TOGARAM1: variants seen among roughly 807,000 people sequenced by gnomAD.
The protein encoded by TOGARAM1 is TOG array regulator of axonemal microtubules 1, also known as TOG array regulator of axonemal microtubules protein 1.
TOGARAM1 carries 100 observed loss-of-function variants against 166.6 expected under a neutral mutation model. That is an observed-to-expected ratio of 0.60 (90% CI 0.51 to 0.71). The LOEUF (loss-of-function observed/expected upper bound fraction) is 0.71. Among genes scored for constraint, TOGARAM1 ranks in the 30% least tolerant of loss-of-function variants. The pLI, the probability that TOGARAM1 is intolerant of heterozygous loss-of-function variation, is 0.00. For synonymous variants in TOGARAM1, 758 were observed against 763.8 expected (o/e 0.99, Z 0.13); for missense variants, 2,029 against 2,102.7 (o/e 0.96, Z 0.69).
chr14:45,044,485 G>A (rs1881881729), intron 12 of TOGARAM1, 150 bp from the exon 13 acceptor site: 1 of 604,898 alleles, frequency 1.7e-6, no homozygotes, highest in Non-Finnish European at 2.8e-6. Flanking sequence ...AGGTTACAGT[G>A]AGCCGAAATC....
chr14:44,988,312 G>A (rs978690605), intron 1 of TOGARAM1, among the ~76,000 whole-genome samples: 6 of 152,052 alleles, frequency 3.9e-5, no homozygotes, highest in South Asian at 4.1e-4. Flanking sequence ...AGCACTTAAC[G>A]TATTAATATG....
chr14:45,034,266 C>CAATT (rs1881318186), intron 11 of TOGARAM1, among the ~76,000 whole-genome samples: 1 of 152,142 alleles, frequency 6.6e-6, no homozygotes, highest in Non-Finnish European at 1.5e-5. Flanking sequence ...GTGAGCCCTA[C>CAATT]AATTACCCAG....
chr14:45,070,378 G>A (rs913035616), intron 18 of TOGARAM1, among the ~76,000 whole-genome samples: 13 of 152,146 alleles, frequency 8.5e-5, no homozygotes, highest in Non-Finnish European at 1.9e-4. Flanking sequence ...CCAATAAGCA[G>A]GGGAAAGTCA....
At chr14:45,031,772 C>G (rs1379992825) in intron 10 of TOGARAM1, among the ~76,000 whole-genome samples, 1 of 152,158 alleles carries the variant, frequency 6.6e-6, no homozygotes, top group Admixed American at 6.5e-5. Context: ...TTTCTGGGTA[C>G]TGTAATTTTC....
intron 17 of TOGARAM1, among the ~76,000 whole-genome samples, chr14:45,067,660 A>G (rs1456027354): frequency 6.6e-6 from 1 of 152,144 alleles, no homozygotes; most frequent in Non-Finnish European, 1.5e-5. Flanking sequence ...TGAAGAAAAG[A>G]ACCATATTAC....
At chr14:44,969,012 A>G (rs193080757) in intron 1 of TOGARAM1, among the ~76,000 whole-genome samples, 59 of 152,220 alleles carry the variant, frequency 3.9e-4, no homozygotes, top group Admixed American at 3.1e-3. Context: ...GGAGTTATAC[A>G]GTAGCTTGCA....
At chr14:45,009,518 C>T (rs551543979) in intron 6 of TOGARAM1, among the ~76,000 whole-genome samples, 2 of 152,166 alleles carry the variant, frequency 1.3e-5, no homozygotes, top group Non-Finnish European at 2.9e-5. Context: ...ATTTTAAGCT[C>T]AGCACCAGTT....
intron 16 of TOGARAM1, among the ~76,000 whole-genome samples, chr14:45,062,678 T>C (rs1031717094): frequency 6.6e-6 from 1 of 152,206 alleles, no homozygotes; most frequent in African/African-American, 2.4e-5. Context: ...TCACTTTCAG[T>C]ATAATATTCA....
chr14:44,970,822 A>G (rs1196434747), intron 1 of TOGARAM1, among the ~76,000 whole-genome samples: 1 of 152,072 alleles, frequency 6.6e-6, no homozygotes, highest in Non-Finnish European at 1.5e-5. Flanking sequence ...AAACCTGATG[A>G]TGTGATGGGT....
chr14:44,990,990 C>T (rs1354668657), intron 1 of TOGARAM1, among the ~76,000 whole-genome samples: 2 of 127,422 alleles, frequency 1.6e-5, no homozygotes, highest in Admixed American at 8.4e-5. Context: ...GACAAGGTCT[C>T]ACTCTGTCTT....
intron 16 of TOGARAM1, among the ~76,000 whole-genome samples, chr14:45,057,700 G>C (rs1397271419): frequency 1.3e-5 from 2 of 152,054 alleles, no homozygotes; most frequent in African/African-American, 4.8e-5. Flanking sequence ...CATTGACTCT[G>C]TGGTCGTTCA....
rs545286417 is a variant in TOGARAM1 at position 45,026,074 on chromosome 14, C to A, written c.3328+202C>A. ...TCTTCTAATGAAACTATAGTAAATT[C>A]ATGTCATTAATTTTCAGAGAGATGT... On this transcript the variant is annotated intron_variant, in intron 8 of 19. Transcript: ENST00000361462. Among the ~76,000 whole-genome samples the A allele has an allele frequency of 2.1e-4, 32 of 152,230 alleles. No individual in the cohort carries two copies. The South Asian group carries it at 6.6e-3, about 32-fold the overall frequency.
intron 11 of TOGARAM1, among the ~76,000 whole-genome samples, chr14:45,037,944 G>A (rs1440243368): frequency 1.3e-5 from 2 of 151,976 alleles, no homozygotes; most frequent in Admixed American, 1.3e-4. Context: ...CTTGAACCCA[G>A]GAGTCAGAGG....
intron 2 of TOGARAM1, among the ~76,000 whole-genome samples, chr14:44,998,188 A>T (rs576908989): frequency 2.6e-5 from 4 of 152,376 alleles, no homozygotes; most frequent in African/African-American, 4.8e-5. Flanking sequence ...GAAATGCAAG[A>T]ATATGTCCAG....
intron 1 of TOGARAM1, 33 bp downstream of exon 1, chr14:44,964,500 G>T: frequency 6.6e-7 from 1 of 1,513,130 alleles, no homozygotes; most frequent in Non-Finnish European, 8.8e-7. Flanking sequence ...AGTCGAAAGT[G>T]TGAAGAATTT....
At chr14:45,023,498 T>A (rs971706728) in intron 7 of TOGARAM1, among the ~76,000 whole-genome samples, 1 of 152,184 alleles carries the variant, frequency 6.6e-6, no homozygotes, top group Non-Finnish European at 1.5e-5. Flanking sequence ...ATTTTAATGC[T>A]TCAGATACTA....
At chr14:44,980,185 G>C (rs1460616866) in intron 1 of TOGARAM1, among the ~76,000 whole-genome samples, 1 of 152,122 alleles carries the variant, frequency 6.6e-6, no homozygotes, top group Non-Finnish European at 1.5e-5. Flanking sequence ...CTCTTGGCCA[G>C]GCTCTCTGCT....
intron 7 of TOGARAM1, among the ~76,000 whole-genome samples, chr14:45,024,897 G>T (rs926647851): frequency 3.3e-5 from 5 of 152,070 alleles, no homozygotes; most frequent in African/African-American, 4.8e-5. Context: ...CTGTTTAACT[G>T]CTTTTCTTTC....
chr14:45,014,487 A>C (rs1880000463), intron 7 of TOGARAM1, among the ~76,000 whole-genome samples: 1 of 152,134 alleles, frequency 6.6e-6, no homozygotes, highest in South Asian at 2.1e-4. Context: ...ACCTTTTCTC[A>C]AAATAAGTTG....
Sources: gnomAD v4.1 joint callset for allele counts (sites outside exome capture counted in the v4.1 genomes callset) on GRCh38, gnomAD v4.1.1 for gene constraint, MANE v1.5 for transcripts, NCBI Gene and HGNC (gene_info 2026-07-23, HGNC 2026-07-21) for gene names.